The following SEC63 variants were observed in gnomAD, a reference collection of about 807,000 sequenced individuals.
SEC63 encodes the protein SEC63 protein translocation regulator, also known as translocation protein SEC63 homolog.
SEC63 carries 56 observed loss-of-function variants against 116.2 expected under a neutral mutation model. That is an observed-to-expected ratio of 0.48 (90% CI 0.39 to 0.60). The LOEUF is 0.60. Ranked by LOEUF, SEC63 falls within the 20% of genes least tolerant of loss-of-function variation. SEC63 has a pLI of 0.00. For synonymous variants in SEC63, 273 were observed against 294.6 expected (o/e 0.93, Z 0.75); for missense variants, 668 against 900.0 (o/e 0.74, Z 3.30).
chr6:107,947,739 A>G (rs541882037), intron 1 of SEC63, among the ~76,000 whole-genome samples: 4 of 152,184 alleles, frequency 2.6e-5, no homozygotes, highest in Non-Finnish European at 5.9e-5. Flanking sequence ...CTTATATTCA[A>G]TAAACAGTCC....
At chr6:107,895,879 A>AG (rs36019329) in intron 14 of SEC63, among the ~76,000 whole-genome samples, 1 of 135,880 alleles carries the variant, frequency 7.4e-6, no homozygotes, top group Non-Finnish European at 1.6e-5. Flanking sequence ...AAAAAAAAAA[A>AG]TTAGGCCAGG....
At chr6:107,906,242 TAA>T (rs1229761758) in intron 10 of SEC63, among the ~76,000 whole-genome samples, 2 of 152,338 alleles carry the variant, frequency 1.3e-5, no homozygotes, top group South Asian at 2.1e-4. Flanking sequence ...CTGCCATGAA[TAA>T]AAGTTTCCTG....
At chr6:107,939,099 A>G (rs1770316546) in intron 1 of SEC63, among the ~76,000 whole-genome samples, 1 of 151,934 alleles carries the variant, frequency 6.6e-6, no homozygotes, top group Non-Finnish European at 1.5e-5. Context: ...CCTGGGCAAC[A>G]CAGGGAGACC....
In SEC63 at chr6:107,921,834, C is replaced by T; in HGVS notation, c.415G>A (p.Glu139Lys). The change falls in exon 4 of 21, where the codon GAG becomes AAG. Residue 139 changes from glutamate to lysine, a missense_variant. Physicochemically the swap from Glu to Lys is moderately conservative, Grantham distance 56. Transcript: ENST00000369002. ...TTTGCTATCCTCATGAACATAACCT[C>T]ATCACCTCCTTTATCTGGATGATAT... ...LKYHPDKGGD[E>K]VMFMRIAKAY... The T allele has an allele frequency of 6.2e-7, 1 of 1,611,728 alleles. No homozygotes were observed. Among genetic ancestry groups the T allele is most frequent in the Non-Finnish European group, 8.5e-7 (1 of 1,178,042 alleles).
intron 18 of SEC63, 161 bp from the exon 19 acceptor site, chr6:107,876,823 G>A: frequency 1.6e-6 from 1 of 609,710 alleles, no homozygotes; most frequent in Non-Finnish European, 2.9e-6. Flanking sequence ...GAAAGAATAA[G>A]CTGTTCTTAA....
intron 1 of SEC63, among the ~76,000 whole-genome samples, chr6:107,945,906 G>T (rs1272086753): frequency 2.0e-5 from 3 of 151,900 alleles, no homozygotes; most frequent in Admixed American, 6.6e-5. Flanking sequence ...AATGCAGGCG[G>T]TTTTTTTCCT....
intron 18 of SEC63, among the ~76,000 whole-genome samples, chr6:107,880,751 T>C (rs939657083): frequency 6.6e-6 from 1 of 152,154 alleles, no homozygotes; most frequent in Admixed American, 6.5e-5. Flanking sequence ...AGAGAAAATT[T>C]AAGAATTTTT....
At chr6:107,912,407 AC>A (rs1334842165) in intron 6 of SEC63, among the ~76,000 whole-genome samples, 1 of 152,164 alleles carries the variant, frequency 6.6e-6, no homozygotes, top group African/African-American at 2.4e-5. Flanking sequence ...GCATGGCAAA[AC>A]CCCATCTCTA....
intron 4 of SEC63, among the ~76,000 whole-genome samples, chr6:107,916,222 C>G (rs1178571552): frequency 3.3e-5 from 5 of 152,198 alleles, no homozygotes; most frequent in Admixed American, 3.3e-4. Context: ...TACCTGAAGA[C>G]AGCAATCAAG....
chr6:107,880,764 A>G (rs1469902538), intron 18 of SEC63, among the ~76,000 whole-genome samples: 1 of 152,180 alleles, frequency 6.6e-6, no homozygotes, highest in Non-Finnish European at 1.5e-5. Flanking sequence ...GAATTTTTTC[A>G]TCCGATTTAA....
At chr6:107,952,759 A>C (rs991252731) in intron 1 of SEC63, among the ~76,000 whole-genome samples, 3 of 152,286 alleles carry the variant, frequency 2.0e-5, no homozygotes, top group Admixed American at 6.5e-5. Flanking sequence ...CTTCATGCCA[A>C]AACAAACAAA....
At chr6:107,892,459 CAG>C (rs1786705460) in intron 16 of SEC63, among the ~76,000 whole-genome samples, 1 of 152,014 alleles carries the variant, frequency 6.6e-6, no homozygotes, top group Non-Finnish European at 1.5e-5. Context: ...CAGAAGAAAA[CAG>C]AAAAATACCT....
At chr6:107,897,235 T>C (rs959360777) in intron 14 of SEC63, among the ~76,000 whole-genome samples, 1 of 152,194 alleles carries the variant, frequency 6.6e-6, no homozygotes, top group East Asian at 1.9e-4. Flanking sequence ...ACAACATAAA[T>C]GTTTCACATT....
intron 1 of SEC63, among the ~76,000 whole-genome samples, chr6:107,937,613 TCTGCAAA>T (rs1413018472): frequency 6.6e-6 from 1 of 152,238 alleles, no homozygotes; most frequent in Non-Finnish European, 1.5e-5. Flanking sequence ...CTTTGAGAAA[TCTGCAAA>T]CTGCTTTCCA....
intron 1 of SEC63, among the ~76,000 whole-genome samples, chr6:107,944,594 G>C (rs1770442594): frequency 6.6e-6 from 1 of 152,126 alleles, no homozygotes; most frequent in Admixed American, 6.6e-5. Context: ...GTACTCAGGA[G>C]GCTGAGGCAG....
At chr6:107,941,502 C>CA (rs1252442185) in intron 1 of SEC63, among the ~76,000 whole-genome samples, 111 of 116,532 alleles carry the variant, frequency 9.5e-4, no homozygotes, top group African/African-American at 2.0e-3. Context: ...GACCGTGTCT[C>CA]AAAAAAAAAA....
intron 19 of SEC63, among the ~76,000 whole-genome samples, chr6:107,874,246 T>C (rs557277520): frequency 1.3e-5 from 2 of 152,134 alleles, no homozygotes; most frequent in African/African-American, 4.8e-5. Flanking sequence ...AATGATATTC[T>C]ACAAAACACC....
intron 11 of SEC63, among the ~76,000 whole-genome samples, chr6:107,904,395 G>GC (rs1306571671): frequency 6.7e-6 from 1 of 149,728 alleles, no homozygotes; most frequent in African/African-American, 2.5e-5. Context: ...GGGCGACAAA[G>GC]CAAGACTCCA....
Position 107,935,661 on chromosome 6 carries a change from G to A in SEC63, c.125-6147C>T, listed in dbSNP as rs537768868. Among the ~76,000 whole-genome samples, 892 of 147,164 alleles carry A rather than the reference G, an allele frequency of 6.1e-3. 8 individuals are homozygous for A. The highest frequency in any genetic ancestry group is 0.01 in the Non-Finnish European group (698 of 66,694). ...AGGGACACAAACACTGCGGAAGGCC[G>A]CAGGGTCCTCTGCCTAGGAAAACCA... On this transcript the variant is annotated intron_variant, in intron 1 of 20. Coordinates refer to ENST00000369002, the MANE Select transcript of SEC63 (RefSeq NM_007214.5).
Sources: gnomAD v4.1 joint callset for allele counts (sites outside exome capture counted in the v4.1 genomes callset) on GRCh38, gnomAD v4.1.1 for gene constraint, MANE v1.5 for transcripts, NCBI Gene and HGNC (gene_info 2026-07-23, HGNC 2026-07-21) for gene names.